The following HPSE2 variants were observed in gnomAD, a reference collection of about 807,000 sequenced individuals.
The protein encoded by HPSE2 is heparanase 2 (inactive).
Under a neutral mutation model 60.5 loss-of-function variants are expected in HPSE2, and 38 were observed. The ratio of observed to expected loss-of-function variants is 0.63; its 90% CI spans 0.48 to 0.82. The LOEUF (loss-of-function observed/expected upper bound fraction) is 0.82, where lower values mean the gene tolerates loss of function less well. HPSE2 is among the 40% of genes least tolerant of loss of function. The pLI is 0.00. For missense variants in HPSE2, 713 were observed against 740.4 expected (o/e 0.96, Z 0.43); for synonymous variants, 295 against 293.2 (o/e 1.01, Z -0.06).
intron 3 of HPSE2, among the ~76,000 whole-genome samples, chr10:99,063,869 G>T (rs1161163059): frequency 6.6e-6 from 1 of 152,118 alleles, no homozygotes; most frequent in Non-Finnish European, 1.5e-5. Flanking sequence ...GAGCCATGTG[G>T]ATCACCTGAG....
chr10:98,665,842 A>G (rs181834551), intron 6 of HPSE2, among the ~76,000 whole-genome samples: 2 of 152,334 alleles, frequency 1.3e-5, no homozygotes, highest in Admixed American at 6.5e-5. Flanking sequence ...ACTCAAGCAC[A>G]TAGCCCACAG....
chr10:98,636,144 A>T (rs1946493311), intron 7 of HPSE2, among the ~76,000 whole-genome samples: 1 of 152,188 alleles, frequency 6.6e-6, no homozygotes, highest in African/African-American at 2.4e-5. Flanking sequence ...AACATAATTT[A>T]TTGTACAATT....
chr10:98,881,382 G>A (rs1002368765), intron 3 of HPSE2, among the ~76,000 whole-genome samples: 2 of 151,976 alleles, frequency 1.3e-5, no homozygotes, highest in African/African-American at 4.8e-5. Context: ...AAGTTGGGAG[G>A]GATGTGCTAA....
At chr10:98,853,849 G>T (rs1952242055) in intron 3 of HPSE2, among the ~76,000 whole-genome samples, 1 of 152,098 alleles carries the variant, frequency 6.6e-6, no homozygotes, top group African/African-American at 2.4e-5. Context: ...GGAACTAAGG[G>T]TCCCAACTAT....
intron 3 of HPSE2, among the ~76,000 whole-genome samples, chr10:99,076,819 A>G (rs1445398221): frequency 6.6e-6 from 1 of 152,082 alleles, no homozygotes; most frequent in Non-Finnish European, 1.5e-5. Flanking sequence ...ACATTTTCCT[A>G]TGCTTTTGTA....
intron 3 of HPSE2, among the ~76,000 whole-genome samples, chr10:99,113,869 C>T (rs1373984295): frequency 6.6e-6 from 1 of 151,816 alleles, no homozygotes; most frequent in Non-Finnish European, 1.5e-5. Flanking sequence ...TCTTTTCGGA[C>T]TATTTTTACC....
chr10:98,504,511 G>A (rs1591282387), intron 9 of HPSE2, among the ~76,000 whole-genome samples: 1 of 152,154 alleles, frequency 6.6e-6, no homozygotes, highest in Non-Finnish European at 1.5e-5. Flanking sequence ...ATAGGGCCAG[G>A]TGCATTGGCT....
chr10:99,040,816 G>A (rs550366670), intron 3 of HPSE2, among the ~76,000 whole-genome samples: 210 of 152,322 alleles, frequency 1.4e-3, no homozygotes, highest in Middle Eastern at 6.8e-3. Flanking sequence ...GCCAGGTGCA[G>A]TGGCTCACGC....
chr10:99,267,811 C>T, the HPSE2 span, among the ~76,000 whole-genome samples: 5 of 149,068 alleles, frequency 3.4e-5, no homozygotes, highest in Non-Finnish European at 7.4e-5. Flanking sequence ...CAAAAAAAAA[C>T]ACTAAATGTA....
At chr10:99,015,174 G>C (rs1458859010) in intron 3 of HPSE2, among the ~76,000 whole-genome samples, 6 of 151,828 alleles carry the variant, frequency 4.0e-5, no homozygotes, top group Non-Finnish European at 8.8e-5. Context: ...AACAACAGGT[G>C]CTGGAGAGGA....
intron 3 of HPSE2, among the ~76,000 whole-genome samples, chr10:98,879,448 A>G (rs962351165): frequency 1.3e-5 from 2 of 152,084 alleles, no homozygotes; most frequent in African/African-American, 4.8e-5. Flanking sequence ...GAGAAACCAG[A>G]AAACACTACT....
At chr10:99,178,174 C>T (rs1041186284) in intron 2 of HPSE2, among the ~76,000 whole-genome samples, 3 of 151,612 alleles carry the variant, frequency 2.0e-5, no homozygotes, top group African/African-American at 7.3e-5. Context: ...TGGGAAAGAT[C>T]TAAAATCAAC....
intron 2 of HPSE2, among the ~76,000 whole-genome samples, chr10:99,162,140 T>G (rs1024075080): frequency 6.6e-6 from 1 of 152,230 alleles, no homozygotes. Context: ...ATGTACTTAA[T>G]AACACTGAAT....
intron 3 of HPSE2, among the ~76,000 whole-genome samples, chr10:99,009,374 T>C (rs1342529849): frequency 6.6e-6 from 1 of 151,850 alleles, no homozygotes; most frequent in Non-Finnish European, 1.5e-5. Context: ...GAGCTATTAC[T>C]GCACCACTGC....
the HPSE2 span, among the ~76,000 whole-genome samples, chr10:99,250,448 T>C: frequency 6.6e-6 from 1 of 152,300 alleles, no homozygotes; most frequent in East Asian, 1.9e-4. Flanking sequence ...ATTAGATCAT[T>C]GAGGCACAAA....
chr10:99,096,696 GTT>G (rs5787321), intron 3 of HPSE2, among the ~76,000 whole-genome samples: 4 of 149,444 alleles, frequency 2.7e-5, no homozygotes, highest in African/African-American at 5.0e-5. Flanking sequence ...AAATTGTTGT[GTT>G]TTTTTTTTTC....
intron 5 of HPSE2, among the ~76,000 whole-genome samples, chr10:98,715,715 TAA>T (rs1948774352): frequency 6.6e-6 from 1 of 152,124 alleles, no homozygotes; most frequent in African/African-American, 2.4e-5. Flanking sequence ...GTATATACCT[TAA>T]TTCAAAATAC....
chr10:99,147,680 T>C (rs1361460508), intron 2 of HPSE2, among the ~76,000 whole-genome samples: 2 of 152,138 alleles, frequency 1.3e-5, no homozygotes, highest in African/African-American at 4.8e-5. Context: ...CAAAAATGTT[T>C]AGGGAAAAAA....
At chr10:98,886,359 T>C (rs1953165507) in intron 3 of HPSE2, among the ~76,000 whole-genome samples, 1 of 152,112 alleles carries the variant, frequency 6.6e-6, no homozygotes, top group African/African-American at 2.4e-5. Context: ...TAATAGAACA[T>C]ATTTAAAAAT....
Sources: allele counts gnomAD v4.1 joint callset (sites outside exome capture counted in the v4.1 genomes callset), GRCh38; gene constraint gnomAD v4.1.1; transcripts MANE v1.5; gene names NCBI Gene and HGNC (gene_info 2026-07-23, HGNC 2026-07-21).